Variants in ZC3H15 observed in about 807,000 individuals in gnomAD.
ZC3H15 encodes the protein zinc finger CCCH-type containing 15.
In ZC3H15, 15 loss-of-function variants were observed where a neutral mutation model predicts 51.2. The observed-to-expected ratio is 0.29, with a 90% CI of 0.20 to 0.45. The LOEUF (loss-of-function observed/expected upper bound fraction) is 0.45, where lower values mean the gene tolerates loss of function less well. Among genes scored for constraint, ZC3H15 ranks in the 20% least tolerant of loss-of-function variants. ZC3H15 has a pLI of 1.00. For missense variants in ZC3H15, 381 were observed against 494.7 expected (o/e 0.77, Z 2.18); for synonymous variants, 144 against 162.8 (o/e 0.88, Z 0.88).
At chr2:186,499,930 G>A (rs1046218450) in intron 2 of ZC3H15, among the ~76,000 whole-genome samples, 4 of 152,178 alleles carry the variant, frequency 2.6e-5, no homozygotes, top group African/African-American at 4.8e-5. Flanking sequence ...AAAATGCTGA[G>A]CATGTAGTAA....
intron 1 of ZC3H15, 59 bp from the exon 2 acceptor site, chr2:186,495,174 T>C (rs1165577676): frequency 7.4e-6 from 7 of 942,674 alleles, no homozygotes; most frequent in Admixed American, 6.4e-5. Flanking sequence ...TAGATATCAT[T>C]GGAGGATATA....
At chr2:186,501,460 T>C (rs1685383363) in intron 4 of ZC3H15, 35 bp downstream of exon 4, 2 of 1,571,156 alleles carry the variant, frequency 1.3e-6, no homozygotes, top group Non-Finnish European at 1.7e-6. Context: ...TAAAAATAAA[T>C]GTTGAATACT....
In ZC3H15 at chr2:186,509,131, T is replaced by A. The variant is rs1685514720; in HGVS notation, c.*398T>A. 1 of 448,428 alleles carries A rather than the reference T, an allele frequency of 2.2e-6. No individual in the cohort carries two copies. The highest frequency in any genetic ancestry group is 1.6e-5 in the South Asian group (1 of 62,690). The allele number at this position is 448,428 out of a possible 1,614,324, so 27.8% of individuals were successfully genotyped here. A position where few individuals can be genotyped will look rare whatever the true frequency, so the allele number is the denominator to read the frequency against. On this transcript the variant is annotated 3_prime_UTR_variant, in exon 10 of 10. Transcript: ENST00000337859. ...AATGAGTGATTTAATTTCCTCTGTA[T>A]TTGTATGTTTAGAAGACTGCCTAAA... is the stretch of plus-strand genomic sequence containing the variant.
chr2:186,486,603 C>T (rs1574419661), intron 1 of ZC3H15, 146 bp downstream of exon 1: 2 of 780,238 alleles, frequency 2.6e-6, no homozygotes, highest in Non-Finnish European at 3.7e-6. Context: ...TTCTCCAGCC[C>T]CTGATGACGC....
chr2:186,499,721 T>G, intron 2 of ZC3H15: 17 of 391,156 alleles, frequency 4.3e-5, no homozygotes, highest in South Asian at 3.3e-4. Context: ...TGAATTGTTT[T>G]GTTTAATATC....
chr2:186,508,866 A>C lies in ZC3H15; in HGVS notation c.*133A>C, dbSNP rs1685509966. 3.2e-6 allele frequency: 3 copies of C among 936,110 alleles called. No homozygotes were observed. In the East Asian group the frequency reaches 7.9e-5, roughly 25 times the overall value. 58.0% of individuals were successfully genotyped at this position (936,110 alleles called of 1,614,324 possible). A position where few individuals can be genotyped will look rare whatever the true frequency, so the allele number is the denominator to read the frequency against. ...TTCTGGAGGAGTTAACCTCCTGCAA[A>C]AAAGGCATCTTGTCCCTACATCTTC... On this transcript the variant is annotated 3_prime_UTR_variant, in exon 10 of 10. Coordinates refer to ENST00000337859, the MANE Select transcript of ZC3H15 (RefSeq NM_018471.3).
At chr2:186,491,601 A>G (rs1685200085) in intron 1 of ZC3H15, among the ~76,000 whole-genome samples, 1 of 152,184 alleles carries the variant, frequency 6.6e-6, no homozygotes, top group Non-Finnish European at 1.5e-5. Flanking sequence ...AAACTGTGGC[A>G]AAGAGGGTAA....
intron 3 of ZC3H15, 149 bp from the exon 4 acceptor site, chr2:186,501,124 A>C: frequency 1.5e-6 from 1 of 687,572 alleles, no homozygotes; most frequent in Non-Finnish European, 2.2e-6. Context: ...ACTTTAAAGA[A>C]ATGTCTTGCT....
chr2:186,495,808 A>T (rs767238660), intron 2 of ZC3H15, among the ~76,000 whole-genome samples: 3 of 152,264 alleles, frequency 2.0e-5, no homozygotes, highest in Non-Finnish European at 4.4e-5. Flanking sequence ...TTTGTAGTAC[A>T]TGAGCAATAG....
chr2:186,507,446 G>A (rs957482625), intron 9 of ZC3H15: 2 of 456,564 alleles, frequency 4.4e-6, no homozygotes, highest in African/African-American at 4.0e-5. Flanking sequence ...AAACCTAAAT[G>A]TATCTGTAGC....
intron 7 of ZC3H15, 24 bp downstream of exon 7, chr2:186,505,621 T>C (rs779700204): frequency 6.3e-7 from 1 of 1,597,624 alleles, no homozygotes; most frequent in African/African-American, 1.3e-5. Flanking sequence ...TCACCCAAAC[T>C]GATTCTTTAT....
chr2:186,496,808 G>C (rs550879814), intron 2 of ZC3H15, among the ~76,000 whole-genome samples: 1 of 152,156 alleles, frequency 6.6e-6, no homozygotes. Context: ...GTAATGATTT[G>C]TGTCTGAACA....
chr2:186,496,907 T>C lies in ZC3H15; in HGVS notation c.177+1573T>C, dbSNP rs187308114. ...TCATTGACCTAAATGTCATTAATTC[T>C]GTGCTTGACTGTACATTAAAGTCTC... On this transcript the variant is annotated intron_variant, in intron 2 of 9. Coordinates refer to ENST00000337859, the MANE Select transcript of ZC3H15 (RefSeq NM_018471.3). 3.6e-3 allele frequency among the ~76,000 whole-genome samples: 550 copies of C among 152,352 alleles called. 4 individuals carry two copies. The highest frequency in any genetic ancestry group is 6.5e-3 in the Non-Finnish European group (441 of 68,022).
chr2:186,500,138 T>G, intron 2 of ZC3H15, 44 bp from the exon 3 acceptor site: 2 of 1,544,272 alleles, frequency 1.3e-6, no homozygotes, highest in Non-Finnish European at 1.8e-6. Flanking sequence ...AAAAACAATT[T>G]TGTAAACAAT....
At chr2:186,504,382 C>T (rs1685434620) in intron 6 of ZC3H15, among the ~76,000 whole-genome samples, 168 bp downstream of exon 6, 1 of 152,118 alleles carries the variant, frequency 6.6e-6, no homozygotes, top group Non-Finnish European at 1.5e-5. Flanking sequence ...AAAATGTTAA[C>T]CTAGCCATAA....
At chr2:186,495,657 C>G (rs1685269746) in intron 2 of ZC3H15, among the ~76,000 whole-genome samples, 1 of 152,144 alleles carries the variant, frequency 6.6e-6, no homozygotes, top group South Asian at 2.1e-4. Context: ...TACAGGAGTT[C>G]TTACATGTGT....
chr2:186,504,563 G>A (rs936068164), intron 6 of ZC3H15, among the ~76,000 whole-genome samples: 1 of 152,068 alleles, frequency 6.6e-6, no homozygotes, highest in African/African-American at 2.4e-5. Context: ...TTTTTCACTA[G>A]TATATTAGTT....
At position 186,509,189 on chromosome 2, in the gene ZC3H15, G is replaced by A. The variant is rs996210222; in HGVS notation, c.*456G>A. On this transcript the variant is annotated 3_prime_UTR_variant, in exon 10 of 10. Coordinates refer to ENST00000337859, the MANE Select transcript of ZC3H15 (RefSeq NM_018471.3). ...CACTGTACTTCATAAAGGAAACTGC[G>A]TATGCAGATTCAGTATTGTGTATCT... 15 of 320,296 alleles carry A rather than the reference G, an allele frequency of 4.7e-5. No homozygotes were observed. The highest frequency in any genetic ancestry group is 1.7e-4 in the East Asian group (2 of 11,858). 19.8% of individuals were successfully genotyped at this position (320,296 alleles called of 1,614,324 possible).
At chr2:186,508,468 T>C (rs1685502599) in intron 9 of ZC3H15, 75 bp from the exon 10 acceptor site, 3 of 1,292,200 alleles carry the variant, frequency 2.3e-6, no homozygotes, top group Non-Finnish European at 3.3e-6. Flanking sequence ...GTAGTATCAG[T>C]CTATGTTGTC....
Sources: gnomAD v4.1 joint callset for allele counts (sites outside exome capture counted in the v4.1 genomes callset) on GRCh38, gnomAD v4.1.1 for gene constraint, MANE v1.5 for transcripts, NCBI Gene and HGNC (gene_info 2026-07-23, HGNC 2026-07-21) for gene names.